NPFFR2: variants seen among roughly 807,000 people sequenced by gnomAD.
The protein encoded by NPFFR2 is G-protein coupled receptor 74.
NPFFR2 carries 15 observed loss-of-function variants against 13.1 expected under a neutral mutation model. The ratio of observed to expected loss-of-function variants is 1.15; its 90% CI spans 0.77 to 1.76. The LOEUF (loss-of-function observed/expected upper bound fraction) is 1.76. Ranked by LOEUF, NPFFR2 falls within the 40% of genes most tolerant of loss-of-function variation. NPFFR2 has a pLI of 0.00. For missense variants in NPFFR2, 572 were observed against 503.5 expected, an observed-to-expected ratio of 1.14 and a Z score of -1.30; for synonymous variants, 190 against 175.7, an observed-to-expected ratio of 1.08 and a Z score of -0.65.
intron 1 of NPFFR2, among the ~76,000 whole-genome samples, chr4:72,036,082 T>G (rs1259885688): frequency 1.3e-5 from 2 of 152,228 alleles, no homozygotes; most frequent in African/African-American, 4.8e-5. Flanking sequence ...TATCTAAACT[T>G]AAGTGAGCTG....
At chr4:72,041,151 C>T (rs571763723) in intron 1 of NPFFR2, among the ~76,000 whole-genome samples, 15 of 152,174 alleles carry the variant, frequency 9.9e-5, no homozygotes, top group Non-Finnish European at 1.9e-4. Context: ...TCCCTTCCTC[C>T]CTTCCCCTTC....
intron 1 of NPFFR2, among the ~76,000 whole-genome samples, chr4:72,032,858 A>T (rs1718961166): frequency 6.6e-6 from 1 of 152,242 alleles, no homozygotes. Flanking sequence ...CTGTCGTTCT[A>T]GTTAAAGACA....
At chr4:72,132,433 A>G (rs533262447) in intron 2 of NPFFR2, among the ~76,000 whole-genome samples, 1 of 152,244 alleles carries the variant, frequency 6.6e-6, no homozygotes, top group African/African-American at 2.4e-5. Flanking sequence ...TGTCTTTGCT[A>G]TCGTGAATAG....
chr4:72,094,645 C>A (rs1294796339), intron 1 of NPFFR2, among the ~76,000 whole-genome samples: 1 of 152,150 alleles, frequency 6.6e-6, no homozygotes, highest in Non-Finnish European at 1.5e-5. Context: ...TCCTATGCAG[C>A]CTGCAGCCTG....
chr4:72,148,131 A>G lies in NPFFR2; in HGVS notation c.*319A>G, dbSNP rs561788491. On this transcript the variant is annotated 3_prime_UTR_variant, in exon 4 of 4. Transcript: ENST00000308744. ...AAATCAAGCCTGCACGCGTGCGTGC[A>G]TGTGTGTGTGTATTTTCCCCAAATG... is the stretch of plus-strand genomic sequence containing the variant. 3 of 213,934 alleles carry G rather than the reference A, an allele frequency of 1.4e-5. No individual in the cohort carries two copies. The highest frequency in any genetic ancestry group is 2.2e-4 in the East Asian group (2 of 8,974). 13.3% of individuals were successfully genotyped at this position (213,934 alleles called of 1,614,324 possible). A position where few individuals can be genotyped will look rare whatever the true frequency, so the allele number is the denominator to read the frequency against.
At chr4:72,105,062 T>A (rs1721381647) in intron 1 of NPFFR2, among the ~76,000 whole-genome samples, 1 of 132,228 alleles carries the variant, frequency 7.6e-6, no homozygotes, top group South Asian at 2.5e-4. Flanking sequence ...GGGATGTATG[T>A]ATGCTTGATA....
intron 1 of NPFFR2, among the ~76,000 whole-genome samples, chr4:72,074,012 T>G (rs1474566217): frequency 1.2e-4 from 1 of 8,358 alleles, no homozygotes; most frequent in East Asian, 7.6e-4. Flanking sequence ...TTCCATGGGT[T>G]TCACTTTCCA....
At chr4:72,106,689 C>G (rs186919734) in intron 1 of NPFFR2, among the ~76,000 whole-genome samples, 1 of 151,936 alleles carries the variant, frequency 6.6e-6, no homozygotes, top group African/African-American at 2.4e-5. Flanking sequence ...GAATGACAAG[C>G]TGGAGATGAA....
rs564972797 is a variant in NPFFR2, at chr4:72,068,896, G to C, written c.-8+36696G>C. The stretch of plus-strand genomic sequence containing the variant: ...GCATGGCTCTAGACACATATGGTTT[G>C]ATTTCTTTATTTCCAGGTCTCCTCA... On this transcript the variant is annotated intron_variant, in intron 1 of 3. Transcript: ENST00000308744. 137 of 787,690 alleles carry C rather than the reference G, an allele frequency of 1.7e-4. No individual in the cohort carries two copies. In the African/African-American group the frequency reaches 2.4e-3, roughly 14 times the overall value. 48.8% of individuals were successfully genotyped at this position (787,690 alleles called of 1,614,324 possible).
chr4:72,119,494 G>T (rs1721806025), intron 1 of NPFFR2, among the ~76,000 whole-genome samples: 1 of 152,182 alleles, frequency 6.6e-6, no homozygotes, highest in East Asian at 1.9e-4. Flanking sequence ...TGGCAAGATG[G>T]CCTAATAGAA....
intron 1 of NPFFR2, among the ~76,000 whole-genome samples, chr4:72,099,232 A>G (rs1280481725): frequency 2.0e-5 from 3 of 152,124 alleles, no homozygotes; most frequent in Non-Finnish European, 4.4e-5. Context: ...CCTCCTGATA[A>G]ATTGCTGTTT....
chr4:72,048,274 C>A (rs1287904437), intron 1 of NPFFR2, among the ~76,000 whole-genome samples: 13 of 151,982 alleles, frequency 8.6e-5, no homozygotes, highest in African/African-American at 3.1e-4. Context: ...AGGAGTCAGG[C>A]AACTTACCCA....
rs1361897166 is a variant in NPFFR2 at position 72,147,179 on chromosome 4, GCCA to G, written c.631_633del (p.Pro211del). ...CAGTCTACTGGTGCCGGGAAGACTG[GCCA>G]AATCAGGAAATGAGGAAGATCTACA... On this transcript the variant is annotated inframe_deletion, in exon 4 of 4. Coordinates refer to ENST00000308744, the MANE Select transcript of NPFFR2 (RefSeq NM_004885.3). The G allele has an allele frequency of 6.3e-7, 1 of 1,576,610 alleles. No homozygotes were observed. Among genetic ancestry groups the G allele is most frequent in the African/African-American group, 1.5e-5 (1 of 64,626 alleles).
chr4:72,125,754 G>A (rs568803437), intron 1 of NPFFR2, among the ~76,000 whole-genome samples: 59 of 152,214 alleles, frequency 3.9e-4, no homozygotes, highest in African/African-American at 1.4e-3. Context: ...ATGCTTCTTT[G>A]TCTCTTCCAC....
At chr4:72,061,769 A>T (rs752812176) in intron 1 of NPFFR2, among the ~76,000 whole-genome samples, 2 of 151,908 alleles carry the variant, frequency 1.3e-5, no homozygotes, top group Non-Finnish European at 2.9e-5. Flanking sequence ...AACATCACAC[A>T]CTGGGGCCTG....
chr4:72,139,976 C>T (rs950539232), intron 3 of NPFFR2, among the ~76,000 whole-genome samples: 1 of 152,056 alleles, frequency 6.6e-6, no homozygotes, highest in Non-Finnish European at 1.5e-5. Context: ...CCTTCACATC[C>T]CTTGTAAGTT....
intron 3 of NPFFR2, among the ~76,000 whole-genome samples, chr4:72,143,372 T>C (rs940435411): frequency 3.9e-5 from 6 of 152,100 alleles, no homozygotes; most frequent in Admixed American, 6.5e-5. Flanking sequence ...AATTGGCCAT[T>C]TGTGTAAATT....
At chr4:72,129,864 T>C (rs1313416699) in intron 2 of NPFFR2, among the ~76,000 whole-genome samples, 1 of 65,962 alleles carries the variant, frequency 1.5e-5, no homozygotes, top group Non-Finnish European at 2.9e-5. Context: ...GGACAATACC[T>C]GGCTTTCCTA....
At chr4:72,074,575 T>C (rs6823991) in intron 1 of NPFFR2, among the ~76,000 whole-genome samples, 136,758 of 152,000 alleles carry the variant, frequency 0.9, 62,480 homozygotes, top group Non-Finnish European at 0.98. Context: ...TCCATGATTT[T>C]AGGCATCCAC....
Sources: gnomAD v4.1 joint callset for allele counts (sites outside exome capture counted in the v4.1 genomes callset) on GRCh38, gnomAD v4.1.1 for gene constraint, MANE v1.5 for transcripts, NCBI Gene and HGNC (gene_info 2026-07-23, HGNC 2026-07-21) for gene names.